GATA4: variants seen among roughly 807,000 people sequenced by gnomAD.
The protein encoded by GATA4 is transcription factor GATA-4.
In GATA4, 7 loss-of-function variants were observed where a neutral mutation model predicts 37.9. The observed-to-expected ratio is 0.18, with a 90% CI of 0.11 to 0.35. The LOEUF is 0.35. Among genes scored for constraint, GATA4 ranks in the 10% least tolerant of loss-of-function variants. The probability of loss-of-function intolerance (pLI) is 1.00; values close to 1 mark genes in which losing one functional copy is unlikely to be tolerated. For missense variants in GATA4, 647 were observed against 653.0 expected (o/e 0.99, Z 0.10); for synonymous variants, 372 against 292.6 (o/e 1.27, Z -2.77).
At chr8:11,685,273 C>T (rs983812389) in intron 1 of GATA4, among the ~76,000 whole-genome samples, 1 of 152,174 alleles carries the variant, frequency 6.6e-6, no homozygotes, top group Admixed American at 6.5e-5. Context: ...CTACCACAGT[C>T]GAGAAAGAGA....
intron 2 of GATA4, among the ~76,000 whole-genome samples, chr8:11,736,786 A>T (rs1011771164): frequency 6.6e-6 from 1 of 152,230 alleles, no homozygotes; most frequent in Non-Finnish European, 1.5e-5. Flanking sequence ...TAGCGTTAGC[A>T]TTTGATCTGA....
At chr8:11,682,165 G>A (rs1798994137) in intron 1 of GATA4, among the ~76,000 whole-genome samples, 1 of 152,206 alleles carries the variant, frequency 6.6e-6, no homozygotes, top group Non-Finnish European at 1.5e-5. Context: ...GGTGGTGTCT[G>A]ACAAGATTGA....
At chr8:11,715,174 T>G (rs573705952) in intron 2 of GATA4, among the ~76,000 whole-genome samples, 2 of 152,096 alleles carry the variant, frequency 1.3e-5, no homozygotes, top group African/African-American at 4.8e-5. Flanking sequence ...ATATAGCACT[T>G]TACTGTTTGT....
At chr8:11,750,770 T>TAAAAA (rs1195090785) in intron 4 of GATA4, among the ~76,000 whole-genome samples, 14 of 88,792 alleles carry the variant, frequency 1.6e-4, no homozygotes, top group African/African-American at 6.7e-4. Flanking sequence ...TTGTCTCTAC[T>TAAAAA]AAAAAAAAAA....
chr8:11,695,551 C>T (rs759765751), intron 1 of GATA4, among the ~76,000 whole-genome samples: 3 of 152,188 alleles, frequency 2.0e-5, no homozygotes, highest in Non-Finnish European at 4.4e-5. Flanking sequence ...GGGGCCAAAG[C>T]GTTTCTCTTT....
intron 1 of GATA4, chr8:11,680,422 G>A (rs1447989027): frequency 1.0e-6 from 1 of 958,028 alleles, no homozygotes; most frequent in African/African-American, 1.8e-5. Flanking sequence ...ACGAGGCTGA[G>A]GAGCTCCCTC....
exon 1 of GATA4, chr8:11,692,660 G>C (rs942179395): frequency 1.0e-6 from 1 of 985,124 alleles, no homozygotes; most frequent in African/African-American, 1.7e-5. Context: ...CTCCACCGCG[G>C]GTGCGTGCGG....
chr8:11,679,526 A>G lies in GATA4; in HGVS notation c.-274+2463A>G, dbSNP rs560830014. ...GCCCTCTCAGGCTGGCGGCGGAATG[A>G]AAAGGAACCCCGACTGCTGGGGTCC... On this transcript the variant is annotated intron_variant, in intron 1 of 6. Transcript: ENST00000528712. Among the ~76,000 whole-genome samples, 43 of 152,328 alleles carry G rather than the reference A, an allele frequency of 2.8e-4. 1 individual carries two copies. The South Asian group carries it at 6.6e-3, about 23-fold the overall frequency.
intron 1 of GATA4, among the ~76,000 whole-genome samples, chr8:11,683,838 C>G (rs1280347144): frequency 6.6e-6 from 1 of 152,240 alleles, no homozygotes; most frequent in Non-Finnish European, 1.5e-5. Context: ...GGCCAGGCCC[C>G]TACCTGTACT....
intron 5 of GATA4, 56 bp downstream of exon 5, chr8:11,755,189 C>G (rs804280): frequency 1.3e-5 from 19 of 1,412,510 alleles, no homozygotes; most frequent in Middle Eastern, 1.8e-4. Context: ...CTCAGAGTGC[C>G]TAAGAATCAT....
chr8:11,705,708 T>C (rs1282960664), intron 1 of GATA4, among the ~76,000 whole-genome samples: 2 of 152,222 alleles, frequency 1.3e-5, no homozygotes, highest in South Asian at 2.1e-4. Context: ...CAGAAAGTTA[T>C]AGAGGAGTAT....
intron 1 of GATA4, among the ~76,000 whole-genome samples, chr8:11,686,421 T>C (rs1799136834): frequency 6.6e-6 from 1 of 152,202 alleles, no homozygotes; most frequent in East Asian, 1.9e-4. Flanking sequence ...AAAAAATTTT[T>C]GAGGTTGGCC....
At chr8:11,726,101 C>T (rs56745056) in intron 2 of GATA4, among the ~76,000 whole-genome samples, 5,348 of 152,324 alleles carry the variant, frequency 0.035, 257 homozygotes, top group African/African-American at 0.11. Flanking sequence ...ACATACAGGA[C>T]ACATGCACGT....
intron 2 of GATA4, among the ~76,000 whole-genome samples, chr8:11,737,955 C>A (rs536159601): frequency 6.6e-6 from 1 of 152,022 alleles, no homozygotes; most frequent in Non-Finnish European, 1.5e-5. Flanking sequence ...CCGAGCCTGG[C>A]GGATCACCTA....
chr8:11,740,392 G>A (rs1414234860), intron 2 of GATA4, among the ~76,000 whole-genome samples: 1 of 152,204 alleles, frequency 6.6e-6, no homozygotes, highest in Non-Finnish European at 1.5e-5. Context: ...GTCCCATTTT[G>A]TATGGTAGGT....
intron 1 of GATA4, chr8:11,680,687 T>A (rs1798937180): frequency 3.0e-6 from 3 of 984,878 alleles, no homozygotes; most frequent in Non-Finnish European, 3.6e-6. Context: ...GACCCCCCCC[T>A]TGGGGAGACC....
At chr8:11,697,095 G>T (rs1165040498) in intron 1 of GATA4, among the ~76,000 whole-genome samples, 1 of 152,166 alleles carries the variant, frequency 6.6e-6, no homozygotes, top group African/African-American at 2.4e-5. Flanking sequence ...AGGTGCGGAG[G>T]GCTCCATTTC....
intron 1 of GATA4, chr8:11,697,485 G>A: frequency 1.1e-6 from 1 of 907,212 alleles, no homozygotes; most frequent in Non-Finnish European, 1.3e-6. Flanking sequence ...TCGGAGGGGA[G>A]CAGCGCTCTC....
At chr8:11,694,756 T>G (rs1019096951) in intron 1 of GATA4, among the ~76,000 whole-genome samples, 1 of 152,222 alleles carries the variant, frequency 6.6e-6, no homozygotes, top group African/African-American at 2.4e-5. Flanking sequence ...CATCCATTTT[T>G]CTTCCATGAT....
Sources: allele counts gnomAD v4.1 joint callset (sites outside exome capture counted in the v4.1 genomes callset), GRCh38; gene constraint gnomAD v4.1.1; transcripts MANE v1.5; gene names NCBI Gene and HGNC (gene_info 2026-07-23, HGNC 2026-07-21).